Variants in PVT1 observed in about 807,000 individuals in gnomAD.
PVT1 encodes CXCR4/PVT1 fusion.
chr8:128,014,039 C>T (rs1817343949), intron 4 of PVT1, among the ~76,000 whole-genome samples: 1 of 152,142 alleles, frequency 6.6e-6, no homozygotes, highest in African/African-American at 2.4e-5. Flanking sequence ...AGCTGTTGTT[C>T]TGGTGAGCAG....
intron 2 of PVT1, among the ~76,000 whole-genome samples, chr8:127,806,392 C>G (rs926024154): frequency 2.2e-4 from 33 of 151,620 alleles, no homozygotes; most frequent in African/African-American, 7.5e-4. Flanking sequence ...ACCTGGGAGG[C>G]ATAGGTTGCA....
intron 2 of PVT1, among the ~76,000 whole-genome samples, chr8:127,873,422 G>C (rs1194867301): frequency 6.6e-6 from 1 of 152,164 alleles, no homozygotes; most frequent in African/African-American, 2.4e-5. Context: ...TTATCCTTCA[G>C]GAGCATTCTT....
intron 4 of PVT1, among the ~76,000 whole-genome samples, chr8:128,036,033 G>A (rs1813457696): frequency 1.3e-5 from 2 of 152,188 alleles, no homozygotes; most frequent in African/African-American, 4.8e-5. Flanking sequence ...AGCAGCGAGA[G>A]GAACTAATAC....
At chr8:127,799,764 A>C (rs1467031976) in intron 2 of PVT1, among the ~76,000 whole-genome samples, 1 of 152,212 alleles carries the variant, frequency 6.6e-6, no homozygotes, top group Non-Finnish European at 1.5e-5. Flanking sequence ...AAAGGTAGCT[A>C]ATATCATTAC....
At chr8:127,831,434 G>A (rs529785363) in intron 2 of PVT1, among the ~76,000 whole-genome samples, 1 of 152,162 alleles carries the variant, frequency 6.6e-6, no homozygotes, top group Non-Finnish European at 1.5e-5. Flanking sequence ...AATTGCAGAT[G>A]CCCATTAATG....
chr8:127,966,861 C>T (rs1200698527), intron 3 of PVT1, among the ~76,000 whole-genome samples: 1 of 152,108 alleles, frequency 6.6e-6, no homozygotes, highest in Non-Finnish European at 1.5e-5. Flanking sequence ...TGGGGAGTAC[C>T]TGCTGACGGG....
intron 4 of PVT1, among the ~76,000 whole-genome samples, chr8:128,065,856 CCTT>C (rs1354937659): frequency 1.1e-4 from 16 of 152,222 alleles, no homozygotes; most frequent in African/African-American, 3.9e-4. Context: ...CCCTGTGGAA[CCTT>C]TCGTTCATTC....
intron 6 of PVT1, among the ~76,000 whole-genome samples, chr8:128,098,722 C>T (rs1043663138): frequency 3.9e-5 from 6 of 152,214 alleles, no homozygotes; most frequent in Non-Finnish European, 7.3e-5. Flanking sequence ...TGCTCCTCTT[C>T]ATCAGTCCAC....
At chr8:128,002,287 T>C (rs4733586) in intron 4 of PVT1, among the ~76,000 whole-genome samples, 49,611 of 152,044 alleles carry the variant, frequency 0.33, 8,572 homozygotes, top group East Asian at 0.51. Context: ...GGCATGATCA[T>C]TGTGATGAGC....
chr8:127,817,523 AT>A (rs1177734363), intron 2 of PVT1, among the ~76,000 whole-genome samples: 1 of 31,310 alleles, frequency 3.2e-5, no homozygotes. Context: ...AGATATATCT[AT>A]TTAAATATAT....
chr8:127,996,502 G>GGA (rs1563660784), intron 4 of PVT1: 2 of 151,708 alleles, frequency 1.3e-5, no homozygotes. Flanking sequence ...TCCTGTCCAC[G>GGA]GACTGCACAA....
intron 2 of PVT1, among the ~76,000 whole-genome samples, chr8:127,849,672 A>C (rs6991931): frequency 1.3e-5 from 1 of 74,518 alleles, no homozygotes; most frequent in African/African-American, 5.8e-5. Context: ...GTGCACGTGC[A>C]TGGGTGCACA....
chr8:127,987,115 G>A (rs976037226), intron 3 of PVT1, among the ~76,000 whole-genome samples: 4 of 152,212 alleles, frequency 2.6e-5, no homozygotes, highest in African/African-American at 9.6e-5. Flanking sequence ...GACTCTGTGT[G>A]TGTTCAGTGA....
intron 2 of PVT1, among the ~76,000 whole-genome samples, chr8:127,836,971 G>A (rs529584988): frequency 5.3e-5 from 8 of 152,148 alleles, no homozygotes; most frequent in Non-Finnish European, 1.2e-4. Context: ...GTGGACATGA[G>A]TGGTTCTGGT....
intron 3 of PVT1, among the ~76,000 whole-genome samples, chr8:127,962,886 A>G (rs1416098312): frequency 6.6e-6 from 1 of 152,118 alleles, no homozygotes; most frequent in Non-Finnish European, 1.5e-5. Flanking sequence ...ATGAGCCTCC[A>G]TGCCTGGCCT....
At chr8:128,026,866 A>G (rs1454312940) in intron 4 of PVT1, among the ~76,000 whole-genome samples, 2 of 152,166 alleles carry the variant, frequency 1.3e-5, no homozygotes, top group East Asian at 3.9e-4. Flanking sequence ...GGGGAACGTG[A>G]CCGGCCTCAT....
At chr8:128,049,300 A>T (rs1813657942) in intron 4 of PVT1, 6 of 471,672 alleles carry the variant, frequency 1.3e-5, no homozygotes, top group South Asian at 9.2e-5. Flanking sequence ...CACTGATAGA[A>T]GCAGGGCAAG....
At chr8:127,981,650 G>A (rs1207324053) in intron 3 of PVT1, among the ~76,000 whole-genome samples, 3 of 152,182 alleles carry the variant, frequency 2.0e-5, no homozygotes, top group Non-Finnish European at 4.4e-5. Context: ...TGTAAGTGTA[G>A]TACAAAAAGG....
intron 3 of PVT1, among the ~76,000 whole-genome samples, chr8:127,954,014 T>A (rs1816539308): frequency 2.0e-5 from 3 of 152,194 alleles, no homozygotes; most frequent in Admixed American, 2.0e-4. Context: ...GAATATCTCT[T>A]AATTACTAGC....
Sources: gnomAD v4.1 joint callset for allele counts (sites outside exome capture counted in the v4.1 genomes callset) on GRCh38, gnomAD v4.1.1 for gene constraint, MANE v1.5 for transcripts, NCBI Gene and HGNC (gene_info 2026-07-23, HGNC 2026-07-21) for gene names.